The following CNBD1 variants were observed in gnomAD, a reference collection of about 807,000 sequenced individuals.
CNBD1 encodes the protein cyclic nucleotide binding domain containing 1, also known as cyclic nucleotide-binding domain-containing protein 1.
CNBD1 carries 71 observed loss-of-function variants against 54.4 expected under a neutral mutation model. The ratio of observed to expected loss-of-function variants is 1.30; its 90% CI spans 1.08 to 1.59. CNBD1 has a LOEUF of 1.59. CNBD1 is among the 40% of genes most tolerant of loss of function. CNBD1 has a pLI of 0.00. For missense variants in CNBD1, 659 were observed against 518.0 expected (o/e 1.27, Z -2.64); for synonymous variants, 182 against 170.7 (o/e 1.07, Z -0.51).
chr8:87,213,401 C>A (rs1037099877), intron 5 of CNBD1, among the ~76,000 whole-genome samples: 1 of 152,156 alleles, frequency 6.6e-6, no homozygotes, highest in Non-Finnish European at 1.5e-5. Context: ...GTTTAATGGA[C>A]TCACAGTTCC....
intron 8 of CNBD1, among the ~76,000 whole-genome samples, chr8:87,345,270 G>T (rs1586033047): frequency 1.3e-5 from 2 of 152,040 alleles, no homozygotes; most frequent in South Asian, 2.1e-4. Flanking sequence ...AAAACTGAAG[G>T]GTTATATTAG....
At chr8:87,216,938 C>G (rs915661148) in intron 5 of CNBD1, among the ~76,000 whole-genome samples, 1 of 152,072 alleles carries the variant, frequency 6.6e-6, no homozygotes, top group African/African-American at 2.4e-5. Context: ...AGTGCCATTG[C>G]TTTTACGATC....
intron 8 of CNBD1, among the ~76,000 whole-genome samples, chr8:87,303,425 G>A (rs906278476): frequency 7.3e-5 from 11 of 151,668 alleles, no homozygotes; most frequent in Non-Finnish European, 1.6e-4. Context: ...GGGAAAACTG[G>A]CTAGCCATAT....
At chr8:87,297,641 G>A (rs951398321) in intron 8 of CNBD1, among the ~76,000 whole-genome samples, 10 of 152,044 alleles carry the variant, frequency 6.6e-5, no homozygotes, top group African/African-American at 1.4e-4. Flanking sequence ...TTATTCTGAC[G>A]TTTGAATGTC....
At chr8:87,293,000 C>A (rs898392680) in intron 8 of CNBD1, among the ~76,000 whole-genome samples, 1 of 152,090 alleles carries the variant, frequency 6.6e-6, no homozygotes, top group Non-Finnish European at 1.5e-5. Flanking sequence ...CTCTGATAAA[C>A]GACTTTTTAT....
chr8:87,425,821 C>A (rs1808036873), intron 2 of CNBD1, among the ~76,000 whole-genome samples: 1 of 152,044 alleles, frequency 6.6e-6, no homozygotes, highest in Non-Finnish European at 1.5e-5. Flanking sequence ...GGCAGGCAGG[C>A]CTCCTTGAGC....
intron 4 of CNBD1, among the ~76,000 whole-genome samples, chr8:87,071,884 T>C (rs1365950001): frequency 6.6e-6 from 1 of 152,148 alleles, no homozygotes; most frequent in African/African-American, 2.4e-5. Flanking sequence ...TCTGTCTCAA[T>C]GATCTGTCTA....
At chr8:87,096,285 G>A (rs537431975) in intron 4 of CNBD1, among the ~76,000 whole-genome samples, 26 of 151,452 alleles carry the variant, frequency 1.7e-4, no homozygotes, top group Admixed American at 2.6e-4. Context: ...GCTTATAGCC[G>A]GCCTTCTCCC....
At chr8:87,344,250 A>T (rs1810124872) in intron 8 of CNBD1, among the ~76,000 whole-genome samples, 1 of 151,986 alleles carries the variant, frequency 6.6e-6, no homozygotes, top group African/African-American at 2.4e-5. Flanking sequence ...AGCAATTTTT[A>T]TTCAGTGGTT....
At chr8:86,939,928 A>G in intron 4 of CNBD1, 174 bp downstream of exon 4, 1 of 426,374 alleles carries the variant, frequency 2.3e-6, no homozygotes, top group Non-Finnish European at 4.2e-6. Context: ...TACAGTCTTC[A>G]TGAATTCAGT....
chr8:87,233,085 A>G (rs1470434366), intron 5 of CNBD1, among the ~76,000 whole-genome samples: 1 of 152,230 alleles, frequency 6.6e-6, no homozygotes, highest in Non-Finnish European at 1.5e-5. Context: ...AAACCCTTTA[A>G]TAGTAACTAC....
At chr8:87,384,843 G>A (rs1024040177), downstream of CNBD1, among the ~76,000 whole-genome samples, 22 of 152,260 alleles carry the variant, frequency 1.4e-4, no homozygotes, top group Middle Eastern at 3.4e-3. Flanking sequence ...GATCATGCAT[G>A]GGATGACTGA....
chr8:86,958,708 C>G (rs1263858396), intron 4 of CNBD1, among the ~76,000 whole-genome samples: 3 of 152,046 alleles, frequency 2.0e-5, no homozygotes, highest in African/African-American at 7.2e-5. Flanking sequence ...CCTTTATTTT[C>G]AGCCTATGTG....
intron 3 of CNBD1, among the ~76,000 whole-genome samples, chr8:86,925,675 G>A (rs2131829069): frequency 6.7e-6 from 1 of 149,176 alleles, no homozygotes; most frequent in Non-Finnish European, 1.5e-5. Flanking sequence ...GAGGTCATGA[G>A]TTTGTGATCA....
At chr8:87,346,838 T>C (rs548764305) in intron 8 of CNBD1, among the ~76,000 whole-genome samples, 2 of 152,194 alleles carry the variant, frequency 1.3e-5, no homozygotes, top group Non-Finnish European at 2.9e-5. Context: ...AAACCCAGTA[T>C]GGTTTGAAAA....
intron 4 of CNBD1, among the ~76,000 whole-genome samples, chr8:87,106,954 G>A (rs557747121): frequency 2.6e-5 from 4 of 151,882 alleles, no homozygotes; most frequent in South Asian, 4.2e-4. Context: ...TCAACCTCCC[G>A]AGTAGCTGGG....
chr8:87,221,454 T>G (rs922287818), intron 5 of CNBD1, among the ~76,000 whole-genome samples: 3 of 152,140 alleles, frequency 2.0e-5, no homozygotes, highest in African/African-American at 7.2e-5. Context: ...CTTCTGGTCT[T>G]GTTCATTTGA....
At chr8:87,073,397 T>C (rs1385006308) in intron 4 of CNBD1, among the ~76,000 whole-genome samples, 1 of 152,286 alleles carries the variant, frequency 6.6e-6, no homozygotes, top group Admixed American at 6.5e-5. Flanking sequence ...TTTTGAGTTT[T>C]TACATTTTTA....
chr8:87,087,260 TACA>T lies in CNBD1; in HGVS notation c.432-118732_432-118730del, dbSNP rs1563463332. On this transcript the variant is annotated intron_variant, in intron 4 of 10. Transcript: ENST00000518476. ...ATATATATATACGTATATATATATA[TACA>T]TATATATATACGTATATATATATAT... Among the ~76,000 whole-genome samples, 386 of 140,870 alleles carry T rather than the reference TACA, an allele frequency of 2.7e-3. 1 individual carries two copies. Among genetic ancestry groups the T allele is most frequent in the African/African-American group, 9.8e-3 (355 of 36,322 alleles). The allele number at this position is 140,870 out of a possible 152,430, so 92.4% of individuals were successfully genotyped here. A position where few individuals can be genotyped will look rare whatever the true frequency, so the allele number is the denominator to read the frequency against.
Sources: gnomAD v4.1 joint callset for allele counts (sites outside exome capture counted in the v4.1 genomes callset) on GRCh38, gnomAD v4.1.1 for gene constraint, MANE v1.5 for transcripts, NCBI Gene and HGNC (gene_info 2026-07-23, HGNC 2026-07-21) for gene names.